The following SEL1L2 variants were observed in gnomAD, a reference collection of about 807,000 sequenced individuals.
The protein encoded by SEL1L2 is protein sel-1 homolog 2.
SEL1L2 carries 89 observed loss-of-function variants against 98.8 expected under a neutral mutation model. The observed-to-expected ratio is 0.90, with a 90% CI of 0.76 to 1.07. SEL1L2 has a LOEUF of 1.07. Ranked by LOEUF, SEL1L2 falls within the 50% of genes least tolerant of loss-of-function variation. The pLI is 0.00. For missense variants in SEL1L2, 788 were observed against 812.0 expected, an observed-to-expected ratio of 0.97 and a Z score of 0.36; for synonymous variants, 262 against 278.5, an observed-to-expected ratio of 0.94 and a Z score of 0.59.
intron 1 of SEL1L2, among the ~76,000 whole-genome samples, chr20:13,976,231 A>G (rs578134224): frequency 2.0e-5 from 3 of 151,692 alleles, no homozygotes; most frequent in Non-Finnish European, 4.4e-5. Flanking sequence ...CGATCTCCTG[A>G]CCTCGTGATC....
intron 18 of SEL1L2, among the ~76,000 whole-genome samples, chr20:13,856,959 T>A (rs1394731946): frequency 6.6e-6 from 1 of 152,146 alleles, no homozygotes; most frequent in African/African-American, 2.4e-5. Flanking sequence ...ATTCTCCTAC[T>A]CTCTTTGCTT....
At chr20:13,944,566 G>A (rs764862720) in intron 2 of SEL1L2, among the ~76,000 whole-genome samples, 2 of 152,168 alleles carry the variant, frequency 1.3e-5, no homozygotes, top group African/African-American at 2.4e-5. Context: ...CAGGTTTGGA[G>A]TTCAGAAAAA....
rs376942452 is a variant in SEL1L2 at position 13,886,333 on chromosome 20, G to A, written c.855C>T (p.Tyr285=). Residue 285 remains tyrosine (Y), a synonymous_variant, in exon 9 of 20, where the codon TAC becomes TAT. Transcript: ENST00000284951. Reference sequence around the variant, plus strand: ...TTTCTGCCAAAAATTTATAGTATTGGTATATGTCCCAATCCAAAATCTCAC... The same window carrying A: ...TTTCTGCCAAAAATTTATAGTATTGATATATGTCCCAATCCAAAATCTCAC... ...SNSEILDWDI[Y]QYYKFLAERG... 12 of 1,612,640 alleles carry A rather than the reference G, an allele frequency of 7.4e-6. No individual in the cohort carries two copies. The highest frequency in any genetic ancestry group is 1.7e-5 in the Admixed American group (1 of 59,982).
At chr20:13,943,495 T>C (rs1600853711) in intron 2 of SEL1L2, among the ~76,000 whole-genome samples, 3 of 134,402 alleles carry the variant, frequency 2.2e-5, no homozygotes, top group East Asian at 2.2e-4. Context: ...TTTTTTTTTT[T>C]CATTACTTTC....
chr20:13,850,373 G>C (rs1988040773), intron 18 of SEL1L2, 54 bp from the exon 19 acceptor site: 3 of 1,583,526 alleles, frequency 1.9e-6, no homozygotes, highest in Non-Finnish European at 2.6e-6. Context: ...TAAGTAAACA[G>C]ACACCATTGT....
intron 12 of SEL1L2, among the ~76,000 whole-genome samples, chr20:13,871,175 T>A (rs1467293309): frequency 6.6e-6 from 1 of 152,178 alleles, no homozygotes; most frequent in Non-Finnish European, 1.5e-5. Flanking sequence ...CTCTGTGGAT[T>A]ACAATCCAGC....
At chr20:13,932,455 C>T (rs1186956497) in intron 2 of SEL1L2, among the ~76,000 whole-genome samples, 6 of 148,974 alleles carry the variant, frequency 4.0e-5, no homozygotes, top group South Asian at 2.1e-4. Context: ...TTTTTTGAGA[C>T]GAGTTTCACT....
intron 5 of SEL1L2, among the ~76,000 whole-genome samples, chr20:13,893,731 T>C (rs2047305956): frequency 6.6e-6 from 1 of 152,212 alleles, no homozygotes; most frequent in Non-Finnish European, 1.5e-5. Flanking sequence ...GTATACATTA[T>C]TCTCAAGGGC....
At chr20:13,915,024 C>T (rs1343143389) in intron 4 of SEL1L2, 13 of 1,029,450 alleles carry the variant, frequency 1.3e-5, no homozygotes, top group South Asian at 4.9e-5. Context: ...GACCAGAAAG[C>T]GTTAACTTCT....
chr20:13,985,482 C>T (rs2052117183), intron 1 of SEL1L2, among the ~76,000 whole-genome samples: 3 of 152,160 alleles, frequency 2.0e-5, no homozygotes, highest in Admixed American at 1.3e-4. Flanking sequence ...CTCCACACAC[C>T]ATTAGAATTG....
At chr20:13,963,050 A>T (rs955529567) in intron 1 of SEL1L2, among the ~76,000 whole-genome samples, 2 of 134,740 alleles carry the variant, frequency 1.5e-5, no homozygotes, top group Non-Finnish European at 3.2e-5. Flanking sequence ...TAGGCAGCAG[A>T]GCAAGACTCC....
intron 4 of SEL1L2, chr20:13,915,085 C>A: frequency 7.9e-7 from 1 of 1,267,342 alleles, no homozygotes; most frequent in Non-Finnish European, 1.0e-6. Flanking sequence ...TAAAAATCTA[C>A]CATTGCTTCT....
chr20:13,896,694 C>G (rs575827145), intron 5 of SEL1L2, among the ~76,000 whole-genome samples: 1 of 152,078 alleles, frequency 6.6e-6, no homozygotes, highest in Non-Finnish European at 1.5e-5. Flanking sequence ...TAGGAATAAA[C>G]TTAACTAAAA....
At chr20:13,876,376 A>T (rs113806871) in intron 11 of SEL1L2, among the ~76,000 whole-genome samples, 2 of 144,496 alleles carry the variant, frequency 1.4e-5, no homozygotes, top group Non-Finnish European at 3.0e-5. Context: ...AAAGAAATGG[A>T]CCCTGTTTGT....
intron 10 of SEL1L2, among the ~76,000 whole-genome samples, chr20:13,882,668 A>C (rs940173388): frequency 3.3e-5 from 5 of 152,242 alleles, no homozygotes; most frequent in Non-Finnish European, 5.9e-5. Flanking sequence ...GGCCCAGATC[A>C]GAATTGCTCA....
intron 1 of SEL1L2, among the ~76,000 whole-genome samples, chr20:13,963,515 G>A (rs2050882658): frequency 6.6e-6 from 1 of 151,366 alleles, no homozygotes; most frequent in Middle Eastern, 3.2e-3. Context: ...TCAGGAGTTC[G>A]AGACCAGCCT....
chr20:13,913,563 T>A, intron 5 of SEL1L2: 2 of 383,000 alleles, frequency 5.2e-6, no homozygotes, highest in Non-Finnish European at 9.2e-6. Context: ...TATTTCTTCA[T>A]ATAGGTGAAT....
At chr20:13,883,244 T>C (rs1284560535) in intron 10 of SEL1L2, among the ~76,000 whole-genome samples, 1 of 152,164 alleles carries the variant, frequency 6.6e-6, no homozygotes, top group Non-Finnish European at 1.5e-5. Flanking sequence ...ATCACAAGGA[T>C]GGTTCTGGAA....
intron 4 of SEL1L2, among the ~76,000 whole-genome samples, chr20:13,917,499 G>A (rs2048454263): frequency 6.6e-6 from 1 of 152,174 alleles, no homozygotes; most frequent in African/African-American, 2.4e-5. Flanking sequence ...ATTTACACAT[G>A]TAAAGTACCT....
Sources: gnomAD v4.1 joint callset for allele counts (sites outside exome capture counted in the v4.1 genomes callset) on GRCh38, gnomAD v4.1.1 for gene constraint, MANE v1.5 for transcripts, NCBI Gene and HGNC (gene_info 2026-07-23, HGNC 2026-07-21) for gene names.